ATCAY: variants seen among roughly 807,000 people sequenced by gnomAD.
The protein encoded by ATCAY is caytaxin.
Under a neutral mutation model 47.7 loss-of-function variants are expected in ATCAY, and 22 were observed. The observed-to-expected ratio is 0.46, with a 90% CI of 0.33 to 0.66. The LOEUF (loss-of-function observed/expected upper bound fraction) is 0.66, where lower values mean the gene tolerates loss of function less well. Among genes scored for constraint, ATCAY ranks in the 30% least tolerant of loss-of-function variants. ATCAY has a pLI of 0.02. For synonymous variants in ATCAY, 216 were observed against 207.6 expected (o/e 1.04, Z -0.35); for missense variants, 452 against 515.0 (o/e 0.88, Z 1.18).
intron 1 of ATCAY, among the ~76,000 whole-genome samples, chr19:3,885,108 TTAAAAAAA>T (rs1447035177): frequency 4.7e-5 from 4 of 85,180 alleles, no homozygotes; most frequent in African/African-American, 1.5e-4. Flanking sequence ...GTTTTTTTTT[TTAAAAAAA>T]AAAAAAAAAA....
intron 2 of ATCAY, among the ~76,000 whole-genome samples, chr19:3,900,371 A>G (rs569406788): frequency 6.6e-6 from 1 of 151,866 alleles, no homozygotes; most frequent in East Asian, 1.9e-4. Context: ...TAATTTTTGT[A>G]GAGACAGAGT....
chr19:3,908,534 A>AGGC (rs911359337), intron 6 of ATCAY, among the ~76,000 whole-genome samples, 164 bp downstream of exon 6: 6 of 151,778 alleles, frequency 4.0e-5, no homozygotes, highest in Non-Finnish European at 8.8e-5. Context: ...GCTGGCCCTG[A>AGGC]GGCTCACAGT....
chr19:3,896,451 G>A (rs1425743633), intron 2 of ATCAY, among the ~76,000 whole-genome samples: 2 of 151,782 alleles, frequency 1.3e-5, no homozygotes, highest in Non-Finnish European at 2.9e-5. Flanking sequence ...GTTTTTAGTA[G>A]AGACGGGGTT....
At chr19:3,909,394 G>T in intron 6 of ATCAY, 92 bp from the exon 7 acceptor site, 1 of 1,474,214 alleles carries the variant, frequency 6.8e-7, no homozygotes, top group Non-Finnish European at 9.2e-7. Context: ...CCAGCCAGCG[G>T]CAGGAGTGGA....
In ATCAY at chr19:3,902,496, A is replaced by G; in HGVS notation, c.87A>G (p.Pro29=). 6.3e-7 allele frequency: 1 copy of G among 1,578,408 alleles called. No individual in the cohort carries two copies. Residue 29 remains proline, a synonymous_variant, in exon 3 of 13, where the codon CCA becomes CCG. Coordinates refer to ENST00000450849, the MANE Select transcript of ATCAY (RefSeq NM_033064.5). ...WQDEDLPRPL[P]EETGVELLGS... ...CTGGATGGGTCCGCAGGCCACTCCCAGAAGAGACGGGGGTGGAACTGCTTG... is the reference window on the plus strand; with the variant it reads ...CTGGATGGGTCCGCAGGCCACTCCCGGAAGAGACGGGGGTGGAACTGCTTG...
At chr19:3,905,392 G>A in intron 3 of ATCAY, 42 bp from the exon 4 acceptor site, 1 of 1,524,528 alleles carries the variant, frequency 6.6e-7, no homozygotes, top group Non-Finnish European at 8.9e-7. Context: ...AGGTAAAAGA[G>A]AGAAAGCAAA....
At chr19:3,896,762 G>A (rs2038773646) in intron 2 of ATCAY, among the ~76,000 whole-genome samples, 2 of 151,830 alleles carry the variant, frequency 1.3e-5, no homozygotes, top group Non-Finnish European at 2.9e-5. Context: ...CAGGGACCCT[G>A]GCTGGGCAAG....
chr19:3,906,015 C>T (rs937893316), intron 4 of ATCAY, among the ~76,000 whole-genome samples: 1 of 151,704 alleles, frequency 6.6e-6, no homozygotes, highest in Non-Finnish European at 1.5e-5. Context: ...TACTAAAATA[C>T]AAAAAATTAG....
chr19:3,913,899 C>T (rs374216172), intron 9 of ATCAY, 43 bp downstream of exon 9: 24 of 1,548,910 alleles, frequency 1.5e-5, no homozygotes, highest in African/African-American at 2.7e-5. Context: ...AGTCTGTTTT[C>T]GTGCTGCTGA....
chr19:3,891,020 C>G (rs956819714), intron 2 of ATCAY, among the ~76,000 whole-genome samples: 1 of 151,794 alleles, frequency 6.6e-6, no homozygotes, highest in East Asian at 1.9e-4. Flanking sequence ...GGGTGTCAGA[C>G]AGAGCCCTGC....
chr19:3,909,726 G>A, intron 7 of ATCAY, 109 bp downstream of exon 7: 2 of 1,459,884 alleles, frequency 1.4e-6, no homozygotes, highest in African/African-American at 1.4e-5. Context: ...GCTGAGGTGG[G>A]AAGGTCCCTT....
At chr19:3,918,251 G>A (rs190577084) in intron 10 of ATCAY, among the ~76,000 whole-genome samples, 38 of 152,072 alleles carry the variant, frequency 2.5e-4, no homozygotes, top group African/African-American at 7.0e-4. Flanking sequence ...CAGGCGTGGT[G>A]GTGCGTGCCT....
At position 3,909,630 on chromosome 19, in the gene ATCAY, T is replaced by A. The variant is rs376790980; in HGVS notation, c.779+13T>A. On this transcript the variant is annotated intron_variant, in intron 7 of 12. Coordinates refer to ENST00000450849, the MANE Select transcript of ATCAY (RefSeq NM_033064.5). Reference sequence around the variant, plus strand: ...TGATCGACCGGAGGTGAGGTGGGGATGCCTCAGGAAGCACAGTGGGGGCAT... The same window carrying A: ...TGATCGACCGGAGGTGAGGTGGGGAAGCCTCAGGAAGCACAGTGGGGGCAT... The A allele has an allele frequency of 1.9e-5, 30 of 1,570,212 alleles. No homozygotes were observed. The highest frequency in any genetic ancestry group is 2.6e-6 in the Non-Finnish European group (3 of 1,157,714).
intron 2 of ATCAY, among the ~76,000 whole-genome samples, chr19:3,890,833 A>G (rs1692132987): frequency 6.6e-6 from 1 of 152,148 alleles, no homozygotes; most frequent in African/African-American, 2.4e-5. Context: ...CACTTCCTCC[A>G]CGAGGCTTCT....
chr19:3,900,821 C>T (rs2145237444), intron 2 of ATCAY, among the ~76,000 whole-genome samples: 1 of 151,722 alleles, frequency 6.6e-6, no homozygotes, highest in East Asian at 1.9e-4. Context: ...CAGGCGTGAG[C>T]TGCTGCGCCT....
At chr19:3,894,550 A>G (rs1211356646) in intron 2 of ATCAY, among the ~76,000 whole-genome samples, 2 of 143,014 alleles carry the variant, frequency 1.4e-5, no homozygotes, top group African/African-American at 5.1e-5. Context: ...GCTACTTGAG[A>G]GGCTGAGGTA....
At chr19:3,920,998 T>C (rs550686254) in intron 12 of ATCAY, among the ~76,000 whole-genome samples, 200 bp downstream of exon 12, 1 of 152,120 alleles carries the variant, frequency 6.6e-6, no homozygotes, top group African/African-American at 2.4e-5. Context: ...AGGGAGGTAG[T>C]GGTTCCCTTA....
At chr19:3,881,873 C>CT (rs1258850482) in intron 1 of ATCAY, among the ~76,000 whole-genome samples, 4 of 146,198 alleles carry the variant, frequency 2.7e-5, no homozygotes, top group African/African-American at 5.1e-5. Context: ...ACCGCCCCCC[C>CT]CCCGACCCCA....
chr19:3,888,961 C>A (rs1427663475), intron 2 of ATCAY, among the ~76,000 whole-genome samples: 6 of 152,106 alleles, frequency 3.9e-5, no homozygotes, highest in Admixed American at 3.9e-4. Flanking sequence ...TCCCTGTTCT[C>A]AGAATAGCCG....
Sources: gnomAD v4.1 joint callset for allele counts (sites outside exome capture counted in the v4.1 genomes callset) on GRCh38, gnomAD v4.1.1 for gene constraint, MANE v1.5 for transcripts, NCBI Gene and HGNC (gene_info 2026-07-23, HGNC 2026-07-21) for gene names.